The following KCND2 variants were observed in gnomAD, a reference collection of about 807,000 sequenced individuals.
The protein encoded by KCND2 is potassium voltage-gated channel subfamily D member 2.
A neutral mutation model predicts 54.4 loss-of-function variants in KCND2; 16 were observed. That is an observed-to-expected ratio of 0.29 (90% CI 0.20 to 0.45). The LOEUF (loss-of-function observed/expected upper bound fraction) is 0.45, where lower values mean the gene tolerates loss of function less well. Ranked by LOEUF, KCND2 falls within the 20% of genes least tolerant of loss-of-function variation. The pLI, the probability that KCND2 is intolerant of heterozygous loss-of-function variation, is 1.00. For synonymous variants in KCND2, 317 were observed against 310.7 expected (o/e 1.02, Z -0.21); for missense variants, 486 against 824.2 (o/e 0.59, Z 5.02).
At chr7:120,311,179 C>T (rs1022761486) in intron 1 of KCND2, among the ~76,000 whole-genome samples, 2 of 152,080 alleles carry the variant, frequency 1.3e-5, no homozygotes, top group African/African-American at 2.4e-5. Flanking sequence ...AGAGTGTAGA[C>T]ATATGCTGCA....
chr7:120,493,073 G>A (rs1802806585), intron 1 of KCND2, among the ~76,000 whole-genome samples: 1 of 151,714 alleles, frequency 6.6e-6, no homozygotes, highest in Non-Finnish European at 1.5e-5. Flanking sequence ...CATCACCTTG[G>A]GTGACACTAA....
intron 1 of KCND2, among the ~76,000 whole-genome samples, chr7:120,425,808 A>G (rs1801698286): frequency 2.0e-5 from 3 of 152,218 alleles, no homozygotes; most frequent in Admixed American, 1.3e-4. Context: ...CTTGCGGGGA[A>G]TAAGCAAATT....
At position 120,275,337 on chromosome 7, in the gene KCND2, C is replaced by A. The variant is rs753241920; in HGVS notation, c.705C>A (p.Ala235=). ...TGGCCTTCTTCTGCTTGGACACGGCCTGCGTCATGATCTTCACAGTTGAGT... is the reference window on the plus strand; with the variant it reads ...TGGCCTTCTTCTGCTTGGACACGGCATGCGTCATGATCTTCACAGTTGAGT... ...YAVAFFCLDT[A]CVMIFTVEYL... The change falls in exon 1 of 6, where the codon GCC becomes GCA. Residue 235 remains alanine (A), a synonymous_variant. Coordinates refer to ENST00000331113, the MANE Select transcript of KCND2 (RefSeq NM_012281.3). 1.2e-5 allele frequency: 19 copies of A among 1,613,760 alleles called. 1 individual carries two copies. The South Asian group carries it at 2.1e-4, about 18-fold the overall frequency.
chr7:120,606,574 A>G (rs1385409107), intron 1 of KCND2, among the ~76,000 whole-genome samples: 2 of 152,048 alleles, frequency 1.3e-5, no homozygotes, highest in Non-Finnish European at 2.9e-5. Context: ...AGAAGGGGTC[A>G]TTATTTTTCT....
chr7:120,352,146 C>T (rs186834657), intron 1 of KCND2, among the ~76,000 whole-genome samples: 20 of 151,966 alleles, frequency 1.3e-4, no homozygotes, highest in African/African-American at 4.6e-4. Context: ...CCATGTTGGC[C>T]AGGATGGTCT....
At chr7:120,364,070 G>A (rs534228904) in intron 1 of KCND2, among the ~76,000 whole-genome samples, 1 of 152,262 alleles carries the variant, frequency 6.6e-6, no homozygotes, top group Admixed American at 6.5e-5. Flanking sequence ...ACCTAAAACA[G>A]TGCCTGGCAC....
At chr7:120,688,105 A>C (rs1453786104) in intron 1 of KCND2, among the ~76,000 whole-genome samples, 2 of 152,208 alleles carry the variant, frequency 1.3e-5, no homozygotes, top group African/African-American at 4.8e-5. Flanking sequence ...AACTAAAGCC[A>C]AGCTATGTAC....
intron 1 of KCND2, among the ~76,000 whole-genome samples, chr7:120,687,933 A>G (rs76670393): frequency 6.6e-6 from 1 of 152,238 alleles, no homozygotes; most frequent in African/African-American, 2.4e-5. Context: ...TCTTGATTGC[A>G]TAATAAGGGT....
chr7:120,582,888 G>T (rs770176717), intron 1 of KCND2, among the ~76,000 whole-genome samples: 9 of 151,758 alleles, frequency 5.9e-5, no homozygotes, highest in Non-Finnish European at 1.3e-4. Context: ...AGGACTTTCT[G>T]TAGTTTCTTT....
intron 1 of KCND2, among the ~76,000 whole-genome samples, chr7:120,391,405 G>A (rs1584759096): frequency 6.6e-6 from 1 of 152,218 alleles, no homozygotes; most frequent in East Asian, 1.9e-4. Context: ...ATAGCAGAAT[G>A]ATTTATAATC....
chr7:120,489,750 C>G (rs980489406), intron 1 of KCND2, among the ~76,000 whole-genome samples: 2 of 152,062 alleles, frequency 1.3e-5, no homozygotes, highest in Admixed American at 1.3e-4. Flanking sequence ...CATGCCCCAT[C>G]CTGAAGGTAC....
intron 1 of KCND2, among the ~76,000 whole-genome samples, chr7:120,453,482 T>G (rs940971557): frequency 2.6e-5 from 4 of 152,176 alleles, no homozygotes; most frequent in Non-Finnish European, 4.4e-5. Context: ...AATCCTGCAC[T>G]GCCACTGCCA....
intron 1 of KCND2, among the ~76,000 whole-genome samples, chr7:120,634,822 T>A (rs1211056369): frequency 1.3e-5 from 2 of 152,162 alleles, no homozygotes; most frequent in Non-Finnish European, 2.9e-5. Flanking sequence ...CTTCCTCACC[T>A]TGCAGGGTAG....
intron 1 of KCND2, among the ~76,000 whole-genome samples, chr7:120,346,424 C>T (rs1015363905): frequency 6.6e-6 from 1 of 152,058 alleles, no homozygotes; most frequent in Non-Finnish European, 1.5e-5. Context: ...GTATGAGTTA[C>T]TAATTATATT....
intron 1 of KCND2, among the ~76,000 whole-genome samples, chr7:120,671,550 T>C (rs963929787): frequency 6.6e-6 from 1 of 152,058 alleles, no homozygotes; most frequent in African/African-American, 2.4e-5. Context: ...CAACTCACTG[T>C]ACAACAGCAA....
intron 1 of KCND2, among the ~76,000 whole-genome samples, chr7:120,573,634 C>T (rs1792392866): frequency 1.3e-5 from 2 of 151,968 alleles, no homozygotes; most frequent in Admixed American, 1.3e-4. Flanking sequence ...CTTCAGTTGG[C>T]AATTGGAAGG....
rs554855893 is a variant in KCND2, at chr7:120,613,082, T to C, written c.1116-119821T>C. On this transcript the variant is annotated intron_variant, in intron 1 of 5. Transcript: ENST00000331113. Reference sequence around the variant, plus strand: ...GTAGTAGCAAACTGGATGTTTAGCCTAATTTTTTTTTTTTTTTTCTGGTAT... The same window carrying C: ...GTAGTAGCAAACTGGATGTTTAGCCCAATTTTTTTTTTTTTTTTCTGGTAT... 4.9e-4 allele frequency among the ~76,000 whole-genome samples: 31 copies of C among 63,416 alleles called. 1 individual carries two copies. In the East Asian group the frequency reaches 7.2e-3, roughly 15 times the overall value. The allele number at this position is 63,416 out of a possible 152,430, so 41.6% of individuals were successfully genotyped here.
chr7:120,399,723 T>C (rs1801216877), intron 1 of KCND2, among the ~76,000 whole-genome samples: 1 of 151,544 alleles, frequency 6.6e-6, no homozygotes, highest in South Asian at 2.1e-4. Context: ...TTTATTTATT[T>C]ATTTATTTAT....
chr7:120,513,396 A>G (rs1803149531), intron 1 of KCND2, among the ~76,000 whole-genome samples: 1 of 152,136 alleles, frequency 6.6e-6, no homozygotes, highest in South Asian at 2.1e-4. Flanking sequence ...ATCTAAATTC[A>G]TTTAACTTTT....
Sources: gnomAD v4.1 joint callset for allele counts (sites outside exome capture counted in the v4.1 genomes callset) on GRCh38, gnomAD v4.1.1 for gene constraint, MANE v1.5 for transcripts, NCBI Gene and HGNC (gene_info 2026-07-23, HGNC 2026-07-21) for gene names.